The following ATP6V1A variants were observed in gnomAD, a reference collection of about 807,000 sequenced individuals.
The protein encoded by ATP6V1A is ATPase H+ transporting V1 subunit A, also known as V-type proton ATPase catalytic subunit A.
ATP6V1A carries 18 observed loss-of-function variants against 70.1 expected under a neutral mutation model. That is an observed-to-expected ratio of 0.26 (90% CI 0.18 to 0.38). ATP6V1A has a LOEUF of 0.38. ATP6V1A is among the 10% of genes least tolerant of loss of function. The pLI is 1.00. For missense variants in ATP6V1A, 424 were observed against 772.4 expected (o/e 0.55, Z 5.35); for synonymous variants, 232 against 253.8 (o/e 0.91, Z 0.82).
intron 1 of ATP6V1A, among the ~76,000 whole-genome samples, chr3:113,750,151 CT>C (rs1285628463): frequency 6.6e-6 from 1 of 152,172 alleles, no homozygotes; most frequent in Non-Finnish European, 1.5e-5. Flanking sequence ...AGGTTTGATA[CT>C]TAGGAACCTT....
At chr3:113,782,574 GTATATATATACACATATATA>G (rs1708990587) in intron 3 of ATP6V1A, among the ~76,000 whole-genome samples, 2 of 135,098 alleles carry the variant, frequency 1.5e-5, no homozygotes, top group Admixed American at 7.6e-5. Context: ...ATATATATAC[GTATATATATACACATATATA>G]TATATATACA....
chr3:113,766,182 C>T (rs1447037605), intron 1 of ATP6V1A, among the ~76,000 whole-genome samples: 1 of 152,140 alleles, frequency 6.6e-6, no homozygotes, highest in East Asian at 1.9e-4. Context: ...GTCAAGGTGC[C>T]TATAGATCCT....
chr3:113,784,955 A>G (rs1709021543), intron 5 of ATP6V1A, 122 bp downstream of exon 5: 6 of 1,070,036 alleles, frequency 5.6e-6, no homozygotes, highest in Non-Finnish European at 7.7e-6. Flanking sequence ...AGTAACTCCT[A>G]TAATTTTTGA....
chr3:113,801,377 A>G (rs1456849387), intron 12 of ATP6V1A, among the ~76,000 whole-genome samples: 1 of 152,210 alleles, frequency 6.6e-6, no homozygotes, highest in African/African-American at 2.4e-5. Context: ...AGACTAATAG[A>G]CCTGTGGAGA....
In ATP6V1A at chr3:113,795,147, G is replaced by T. The variant is rs1476798511; in HGVS notation, c.1169G>T (p.Gly390Val). ...CTGGCCTCGTTTTATGAACGAGCAG[G>T]CAGGGTGAAATGTCTTGGAAATCCT... The part of the protein sequence containing the change: ...ARLASFYERA[G>V]RVKCLGNPER... The change falls in exon 10 of 15, where the codon GGC becomes GTC. Residue 390 changes from glycine (G) to valine (V), a missense_variant. By Grantham distance (109) the Gly-to-Val change is moderately radical (BLOSUM62 -3). Around this residue, in one of 9 missense-constraint regions of ATP6V1A, gnomAD observed 58 missense variants for 181.5 expected, o/e 0.32. Transcript: ENST00000273398. The T allele has an allele frequency of 6.2e-7, 1 of 1,614,020 alleles. No individual in the cohort carries two copies. The highest frequency in any genetic ancestry group is 8.5e-7 in the Non-Finnish European group (1 of 1,180,012).
At chr3:113,775,101 G>A (rs1033768284) in intron 1 of ATP6V1A, among the ~76,000 whole-genome samples, 2 of 152,038 alleles carry the variant, frequency 1.3e-5, no homozygotes, top group East Asian at 3.9e-4. Context: ...TGAAGTTAAG[G>A]GAAGTAGATT....
Position 113,772,933 on chromosome 3 carries a change from C to CTTTTTTTTTTTTTTTT in ATP6V1A, c.-13-5801_-13-5786dup, listed in dbSNP as rs762901487. Among the ~76,000 whole-genome samples the CTTTTTTTTTTTTTTTT allele has an allele frequency of 1.5e-4, 14 of 90,450 alleles. 1 individual carries two copies. The highest frequency in any genetic ancestry group is 4.9e-4 in the African/African-American group (11 of 22,346). 59.3% of individuals were successfully genotyped at this position (90,450 alleles called of 152,430 possible). Reference sequence around the variant, plus strand: ...CATTTTTTTCTCCACTTAATATTGGCTTTTTTTTTTTTTTTTTTTTTTGAG... The same window carrying CTTTTTTTTTTTTTTTT: ...CATTTTTTTCTCCACTTAATATTGGCTTTTTTTTTTTTTTTTTTTTTTTTTTTTTTTTTTTTTTGAG... On this transcript the variant is annotated intron_variant, in intron 1 of 14. Transcript: ENST00000273398.
rs183069615 is a variant in ATP6V1A, at chr3:113,785,737, C to T, written c.565-495C>T. 9.7e-3 allele frequency among the ~76,000 whole-genome samples: 1,461 copies of T among 150,718 alleles called. 18 individuals carry two copies. Among genetic ancestry groups the T allele is most frequent in the African/African-American group, 0.033 (1,363 of 41,194 alleles). On this transcript the variant is annotated intron_variant, in intron 5 of 14. Coordinates refer to ENST00000273398, the MANE Select transcript of ATP6V1A (RefSeq NM_001690.4). Reference sequence around the variant, plus strand: ...AGGCTAGAGTGCAGTGGCGCGATCTCGGCTCACTGCATCCTCTGCCTCCTG... The same window carrying T: ...AGGCTAGAGTGCAGTGGCGCGATCTTGGCTCACTGCATCCTCTGCCTCCTG...
Position 113,810,057 on chromosome 3 carries a change from T to G in ATP6V1A, c.*630T>G, listed in dbSNP as rs1360375646. On this transcript the variant is annotated 3_prime_UTR_variant, in exon 15 of 15. Transcript: ENST00000273398. The stretch of plus-strand genomic sequence containing the variant: ...TTTTATTTTTTTTATTATTTTTTTT[T>G]TGGGGACGGAGTGTCCCTCTTGTTG... 6.6e-6 allele frequency: 1 copy of G among 151,952 alleles called. No individual in the cohort carries two copies. The highest frequency in any genetic ancestry group is 2.1e-4 in the South Asian group (1 of 4,820). The allele number at this position is 151,952 out of a possible 1,614,324, so 9.4% of individuals were successfully genotyped here. A position where few individuals can be genotyped will look rare whatever the true frequency, so the allele number is the denominator to read the frequency against.
chr3:113,754,538 G>T (rs539947653), intron 1 of ATP6V1A, among the ~76,000 whole-genome samples: 109 of 150,222 alleles, frequency 7.3e-4, no homozygotes, highest in Non-Finnish European at 6.1e-4. Context: ...TGTCTCAAAA[G>T]TAAGAAAAAA....
At chr3:113,776,705 T>C (rs543913365) in intron 1 of ATP6V1A, among the ~76,000 whole-genome samples, 1 of 152,212 alleles carries the variant, frequency 6.6e-6, no homozygotes, top group Non-Finnish European at 1.5e-5. Context: ...GTGATTTCCT[T>C]GTGTTTATAG....
At chr3:113,780,126 A>T (rs1000345504) in intron 2 of ATP6V1A, among the ~76,000 whole-genome samples, 11 of 152,214 alleles carry the variant, frequency 7.2e-5, no homozygotes, top group Admixed American at 3.3e-4. Flanking sequence ...TATCTCTGGT[A>T]TTTCAGTGCA....
chr3:113,770,605 G>A (rs1346049669), intron 1 of ATP6V1A, among the ~76,000 whole-genome samples: 1 of 152,066 alleles, frequency 6.6e-6, no homozygotes, highest in African/African-American at 2.4e-5. Flanking sequence ...CTTGAACCCG[G>A]AAGGTGGACA....
intron 2 of ATP6V1A, among the ~76,000 whole-genome samples, chr3:113,779,505 T>TA (rs373010547): frequency 1.3e-5 from 2 of 152,222 alleles, no homozygotes; most frequent in African/African-American, 4.8e-5. Flanking sequence ...GTATTATCCT[T>TA]AAAACCTCAT....
chr3:113,748,391 C>T (rs1273688374), intron 1 of ATP6V1A, among the ~76,000 whole-genome samples: 1 of 152,106 alleles, frequency 6.6e-6, no homozygotes, highest in Admixed American at 6.6e-5. Flanking sequence ...GAAGGTCTTA[C>T]GAATATTACA....
chr3:113,768,270 T>G (rs562245036), intron 1 of ATP6V1A, among the ~76,000 whole-genome samples: 7 of 152,376 alleles, frequency 4.6e-5, no homozygotes, highest in Admixed American at 4.6e-4. Context: ...GTAGTCCACC[T>G]TAGTAATTCT....
At chr3:113,794,579 T>C (rs990133624) in intron 8 of ATP6V1A, among the ~76,000 whole-genome samples, 64 of 152,258 alleles carry the variant, frequency 4.2e-4, no homozygotes, top group Admixed American at 3.6e-3. Flanking sequence ...TCCATTTCAG[T>C]AGGCCAGAAG....
At chr3:113,771,387 T>G (rs1238291864) in intron 1 of ATP6V1A, among the ~76,000 whole-genome samples, 1 of 152,026 alleles carries the variant, frequency 6.6e-6, no homozygotes. Context: ...TGATGAGTAA[T>G]TTTTATTTCA....
intron 1 of ATP6V1A, among the ~76,000 whole-genome samples, chr3:113,762,521 T>C (rs1417204360): frequency 1.3e-5 from 2 of 152,020 alleles, no homozygotes; most frequent in East Asian, 3.9e-4. Context: ...TGAGCCGAGA[T>C]TGCGCCATTG....
Sources: gnomAD v4.1 joint callset for allele counts (sites outside exome capture counted in the v4.1 genomes callset) on GRCh38, gnomAD v4.1.1 for gene constraint, gnomAD v4.1.1 regional missense constraint, MANE v1.5 for transcripts, NCBI Gene and HGNC (gene_info 2026-07-23, HGNC 2026-07-21) for gene names.